ZCWPW2: variants seen among roughly 807,000 people sequenced by gnomAD.
ZCWPW2 encodes the protein zinc finger CW-type PWWP domain protein 2.
In ZCWPW2, 45 loss-of-function variants were observed where a neutral mutation model predicts 46.6. The observed-to-expected ratio is 0.96, with a 90% CI of 0.76 to 1.24. ZCWPW2 has a LOEUF of 1.24. Among genes scored for constraint, ZCWPW2 ranks in the 50% most tolerant of loss-of-function variants. ZCWPW2 has a pLI of 0.00. For synonymous variants in ZCWPW2, 152 were observed against 137.1 expected (o/e 1.11, Z -0.76); for missense variants, 429 against 403.9 (o/e 1.06, Z -0.53).
intron 1 of ZCWPW2, among the ~76,000 whole-genome samples, chr3:28,373,024 C>T (rs1705386868): frequency 6.6e-6 from 1 of 152,164 alleles, no homozygotes; most frequent in Non-Finnish European, 1.5e-5. Context: ...TATCTATCTA[C>T]ACAGACCCCC....
chr3:28,492,266 A>G lies in ZCWPW2; in HGVS notation c.657+93A>G, dbSNP rs1343195852. The G allele has an allele frequency of 6.2e-6, 7 of 1,132,020 alleles. No individual in the cohort carries two copies. In the East Asian group the frequency reaches 8.5e-5, roughly 14 times the overall value. 70.1% of individuals were successfully genotyped at this position (1,132,020 alleles called of 1,614,324 possible). A position where few individuals can be genotyped will look rare whatever the true frequency, so the allele number is the denominator to read the frequency against. On this transcript the variant is annotated intron_variant, in intron 6 of 9. Transcript: ENST00000383768. ...AAATTATATTATTTAAAAACAAACA[A>G]TGACATACAATCCATTTTTTCTTCT...
intron 1 of ZCWPW2, among the ~76,000 whole-genome samples, chr3:28,378,650 A>G (rs1336079199): frequency 6.6e-6 from 1 of 152,176 alleles, no homozygotes; most frequent in Non-Finnish European, 1.5e-5. Flanking sequence ...ATGATGTTCA[A>G]CTGATACACA....
At chr3:28,487,864 G>T (rs1035618100) in intron 5 of ZCWPW2, among the ~76,000 whole-genome samples, 2 of 152,110 alleles carry the variant, frequency 1.3e-5, no homozygotes, top group Non-Finnish European at 1.5e-5. Flanking sequence ...AGATAGTAAA[G>T]GATGGCTAGA....
At chr3:28,476,637 T>G (rs1200249043) in intron 4 of ZCWPW2, among the ~76,000 whole-genome samples, 2 of 152,164 alleles carry the variant, frequency 1.3e-5, no homozygotes, top group Non-Finnish European at 2.9e-5. Flanking sequence ...GGGATGGTTT[T>G]GGGATGATTC....
intron 4 of ZCWPW2, among the ~76,000 whole-genome samples, chr3:28,475,334 CTTTT>C (rs2125801405): frequency 6.6e-6 from 1 of 152,262 alleles, no homozygotes; most frequent in Non-Finnish European, 1.5e-5. Context: ...AATCCTAACA[CTTTT>C]TACTACAGTA....
rs559055480 is a variant in ZCWPW2 at position 28,472,786 on chromosome 3, A to G, written c.493-6028A>G. Among the ~76,000 whole-genome samples the G allele has an allele frequency of 2.0e-5, 3 of 152,298 alleles. No individual in the cohort carries two copies. In the South Asian group the frequency reaches 6.2e-4, roughly 32 times the overall value. ...GAAACAATCAACAAAGTGAAGAGACAACCCACAGAATGGCAGTAAATATTT... is the reference window on the plus strand; with the variant it reads ...GAAACAATCAACAAAGTGAAGAGACGACCCACAGAATGGCAGTAAATATTT... On this transcript the variant is annotated intron_variant, in intron 4 of 9. Coordinates refer to ENST00000383768, the MANE Select transcript of ZCWPW2 (RefSeq NM_001040432.4).
chr3:28,476,803 A>G (rs1699251432), intron 4 of ZCWPW2, among the ~76,000 whole-genome samples: 1 of 152,206 alleles, frequency 6.6e-6, no homozygotes, highest in African/African-American at 2.4e-5. Flanking sequence ...GATGGGAGAC[A>G]GTGACAGATC....
intron 1 of ZCWPW2, among the ~76,000 whole-genome samples, chr3:28,372,357 G>T (rs571798843): frequency 6.6e-6 from 1 of 152,080 alleles, no homozygotes; most frequent in Non-Finnish European, 1.5e-5. Flanking sequence ...AGAATCATCA[G>T]TGTTTTTAGA....
chr3:28,422,884 T>A (rs899348496), intron 3 of ZCWPW2, among the ~76,000 whole-genome samples: 1 of 152,232 alleles, frequency 6.6e-6, no homozygotes, highest in African/African-American at 2.4e-5. Flanking sequence ...TGGTGTTACC[T>A]GAATTTTGAA....
rs575856197 is a variant in ZCWPW2 at position 28,440,081 on chromosome 3, C to CT, written c.492+4813dup. Among the ~76,000 whole-genome samples the CT allele has an allele frequency of 2.5e-3, 384 of 152,252 alleles. 1 individual carries two copies. Among genetic ancestry groups the CT allele is most frequent in the African/African-American group, 8.4e-3 (348 of 41,538 alleles). On this transcript the variant is annotated intron_variant, in intron 4 of 9. Coordinates refer to ENST00000383768, the MANE Select transcript of ZCWPW2 (RefSeq NM_001040432.4). ...TGGGCTGTTGTAGTTTGCCATTGAC[C>CT]TAATCACAGGGCATGGTAATACTAA...
At chr3:28,374,312 A>G (rs969758372) in intron 1 of ZCWPW2, among the ~76,000 whole-genome samples, 11 of 152,014 alleles carry the variant, frequency 7.2e-5, no homozygotes, top group African/African-American at 2.4e-4. Flanking sequence ...AATAGGTGGT[A>G]TTATTTCTGT....
chr3:28,445,569 G>A (rs1697956971), intron 4 of ZCWPW2, among the ~76,000 whole-genome samples: 1 of 151,830 alleles, frequency 6.6e-6, no homozygotes, highest in African/African-American at 2.4e-5. Flanking sequence ...AAATGAGAGA[G>A]GAATTTAAAT....
intron 2 of ZCWPW2, among the ~76,000 whole-genome samples, chr3:28,391,796 C>T (rs1695503925): frequency 6.6e-6 from 1 of 152,138 alleles, no homozygotes; most frequent in African/African-American, 2.4e-5. Context: ...CCCTCACCCT[C>T]ATCCCCTAAG....
At chr3:28,391,918 G>T (rs1240868684) in intron 2 of ZCWPW2, among the ~76,000 whole-genome samples, 4 of 152,030 alleles carry the variant, frequency 2.6e-5, no homozygotes, top group Non-Finnish European at 4.4e-5. Context: ...CCACAAAACA[G>T]CCAGAAAAAA....
intron 3 of ZCWPW2, among the ~76,000 whole-genome samples, chr3:28,424,918 T>C (rs561238245): frequency 6.6e-6 from 1 of 152,334 alleles, no homozygotes; most frequent in East Asian, 1.9e-4. Context: ...TTATGAGAAC[T>C]TATGAAGGTA....
intron 2 of ZCWPW2, among the ~76,000 whole-genome samples, chr3:28,394,025 A>G (rs1369877104): frequency 6.6e-6 from 1 of 152,156 alleles, no homozygotes; most frequent in East Asian, 1.9e-4. Context: ...CATTATGTAT[A>G]GAAAACCCTA....
At chr3:28,373,057 C>G (rs1398927588) in intron 1 of ZCWPW2, among the ~76,000 whole-genome samples, 1 of 152,134 alleles carries the variant, frequency 6.6e-6, no homozygotes, top group Non-Finnish European at 1.5e-5. Flanking sequence ...ATCTATTCAC[C>G]CATTGATAGA....
At chr3:28,413,693 T>C (rs1479326031) in intron 3 of ZCWPW2, among the ~76,000 whole-genome samples, 1 of 152,116 alleles carries the variant, frequency 6.6e-6, no homozygotes, top group Non-Finnish European at 1.5e-5. Flanking sequence ...TTATTATTCA[T>C]TTTGAAATAT....
intron 1 of ZCWPW2, among the ~76,000 whole-genome samples, chr3:28,384,952 A>G (rs1219706096): frequency 6.6e-6 from 1 of 152,142 alleles, no homozygotes; most frequent in East Asian, 1.9e-4. Flanking sequence ...TGTTTTACAT[A>G]CATTTCTACT....
Sources: allele counts gnomAD v4.1 joint callset (sites outside exome capture counted in the v4.1 genomes callset), GRCh38; gene constraint gnomAD v4.1.1; transcripts MANE v1.5; gene names NCBI Gene and HGNC (gene_info 2026-07-23, HGNC 2026-07-21).